DMD: variants seen among roughly 807,000 people sequenced by gnomAD.
DMD encodes the protein mutant dystrophin.
Under a neutral mutation model 330.1 loss-of-function variants are expected in DMD, and 63 were observed. That is an observed-to-expected ratio of 0.19 (90% CI 0.16 to 0.24). DMD has a LOEUF of 0.24. DMD is among the 10% of genes least tolerant of loss of function. The pLI, the probability that DMD is intolerant of heterozygous loss-of-function variation, is 1.00. For synonymous variants in DMD, 1,223 were observed against 959.8 expected (o/e 1.27, Z -5.07); for missense variants, 3,344 against 2,684.1 (o/e 1.25, Z -5.43).
At chrX:32,142,360 C>T (rs773708852) in intron 44 of DMD, among the ~76,000 whole-genome samples, 17 of 112,134 alleles carry the variant, frequency 1.5e-4, no homozygotes, top group Non-Finnish European at 2.6e-4. Context: ...CCCTTCCATC[C>T]TCTGAGAAAA....
intron 19 of DMD, among the ~76,000 whole-genome samples, chrX:32,493,447 A>T (rs2043195685): frequency 8.9e-6 from 1 of 112,194 alleles, no homozygotes. Flanking sequence ...CATATATCTA[A>T]GTATAAAAGA....
At chrX:32,859,442 T>C in intron 2 of DMD, among the ~76,000 whole-genome samples, 1 of 101,930 alleles carries the variant, frequency 9.8e-6, no homozygotes, top group African/African-American at 3.6e-5. Flanking sequence ...CACTCCGGCC[T>C]TTGTGACGAA....
At chrX:31,847,678 T>TA (rs1388230920) in intron 48 of DMD, among the ~76,000 whole-genome samples, 1 of 111,213 alleles carries the variant, frequency 9.0e-6, no homozygotes, top group Non-Finnish European at 1.9e-5. Context: ...ATAGAAAAGC[T>TA]AAAAAACAAA....
chrX:33,165,789 A>G (rs190305081), intron 1 of DMD, among the ~76,000 whole-genome samples: 395 of 111,549 alleles, frequency 3.5e-3, no homozygotes, highest in African/African-American at 0.012. Flanking sequence ...GTAATTTGCA[A>G]TGCTCATGCA....
At chrX:32,721,117 C>G (rs148554972) in intron 7 of DMD, among the ~76,000 whole-genome samples, 1 of 110,840 alleles carries the variant, frequency 9.0e-6, no homozygotes, top group East Asian at 2.8e-4. Flanking sequence ...AGTGGACACT[C>G]AGGTTATTTT....
intron 1 of DMD, among the ~76,000 whole-genome samples, chrX:33,035,121 T>C (rs1208465223): frequency 8.9e-6 from 1 of 112,237 alleles, no homozygotes; most frequent in Non-Finnish European, 1.9e-5. Context: ...CTGGCTCTTA[T>C]GGATATTAAT....
intron 2 of DMD, among the ~76,000 whole-genome samples, chrX:32,962,185 A>C (rs1354193838): frequency 8.9e-6 from 1 of 111,763 alleles, no homozygotes; most frequent in African/African-American, 3.3e-5. Flanking sequence ...AAATGCTAAA[A>C]ATACAATAAC....
At chrX:33,122,894 C>G (rs761483706) in intron 1 of DMD, among the ~76,000 whole-genome samples, 2 of 112,110 alleles carry the variant, frequency 1.8e-5, no homozygotes, top group African/African-American at 6.5e-5. Flanking sequence ...CAGTTTATTT[C>G]ATGTTCTTCC....
rs750860332 is a variant in DMD at position 32,979,498 on chromosome X, G to T, written c.93+40641C>A. 1.3e-4 allele frequency among the ~76,000 whole-genome samples: 14 copies of T among 111,383 alleles called. No individual in the cohort carries two copies. The East Asian group carries it at 4.0e-3, about 32-fold the overall frequency. ...CAAAATTCCATTGGAATGACGGAAGGTATTCATGTGTTTAGAGGAATAAAA... is the reference window on the plus strand; with the variant it reads ...CAAAATTCCATTGGAATGACGGAAGTTATTCATGTGTTTAGAGGAATAAAA... On this transcript the variant is annotated intron_variant, in intron 2 of 78. Transcript: ENST00000357033.
chrX:32,217,708 T>C (rs2097118126), intron 43 of DMD, among the ~76,000 whole-genome samples: 1 of 111,227 alleles, frequency 9.0e-6, no homozygotes, highest in African/African-American at 3.3e-5. Context: ...CCTGATTTGA[T>C]CATTACACAA....
At chrX:31,673,104 G>T (rs1474943468) in intron 53 of DMD, among the ~76,000 whole-genome samples, 1 of 112,125 alleles carries the variant, frequency 8.9e-6, no homozygotes, top group Non-Finnish European at 1.9e-5. Context: ...CCTTTTTGAA[G>T]AATTCCAATC....
At chrX:31,600,600 T>A (rs1398005838) in intron 55 of DMD, among the ~76,000 whole-genome samples, 1 of 102,717 alleles carries the variant, frequency 9.7e-6, no homozygotes, top group East Asian at 3.1e-4. Context: ...TGACTTGGAT[T>A]ACATCATTAG....
At chrX:31,411,565 G>C (rs184082500) in intron 60 of DMD, among the ~76,000 whole-genome samples, 1 of 111,682 alleles carries the variant, frequency 9.0e-6, no homozygotes, top group East Asian at 2.8e-4. Flanking sequence ...TTTCCAAACA[G>C]CCCTTGAGAA....
intron 45 of DMD, among the ~76,000 whole-genome samples, chrX:31,964,280 C>T (rs73449904): frequency 0.019 from 2,040 of 110,141 alleles, 45 homozygotes; most frequent in African/African-American, 0.063. Context: ...ATTTCAATAT[C>T]GGTGAAAAAA....
chrX:32,504,519 C>T (rs957650466), intron 18 of DMD, among the ~76,000 whole-genome samples: 1 of 109,575 alleles, frequency 9.1e-6, no homozygotes, highest in African/African-American at 3.3e-5. Flanking sequence ...CCCAGCTACT[C>T]TGGAGGCTGA....
intron 60 of DMD, among the ~76,000 whole-genome samples, chrX:31,375,585 T>C (rs2059844743): frequency 8.9e-6 from 1 of 111,847 alleles, no homozygotes; most frequent in Non-Finnish European, 1.9e-5. Flanking sequence ...GAGGACATTA[T>C]GCTACGTGAA....
intron 7 of DMD, among the ~76,000 whole-genome samples, chrX:32,729,046 C>A (rs750729605): frequency 1.8e-5 from 2 of 112,205 alleles, no homozygotes; most frequent in East Asian, 2.8e-4. Context: ...TACAGTACAG[C>A]AAACGGGCAA....
chrX:31,748,973 G>C (rs763108473), intron 51 of DMD, among the ~76,000 whole-genome samples: 1 of 111,281 alleles, frequency 9.0e-6, no homozygotes, highest in East Asian at 2.8e-4. Context: ...ATGCTTTATA[G>C]TCATCATTTA....
chrX:32,520,845 T>G (rs1405196676), intron 17 of DMD, among the ~76,000 whole-genome samples: 1 of 52,047 alleles, frequency 1.9e-5, no homozygotes, highest in Non-Finnish European at 3.7e-5. Flanking sequence ...CCTGCCATAC[T>G]TTTTTTTTTT....
Sources: gnomAD v4.1 joint callset for allele counts (sites outside exome capture counted in the v4.1 genomes callset) on GRCh38, gnomAD v4.1.1 for gene constraint, MANE v1.5 for transcripts, NCBI Gene and HGNC (gene_info 2026-07-23, HGNC 2026-07-21) for gene names.